SPEN: variants seen among roughly 807,000 people sequenced by gnomAD.
The protein encoded by SPEN is spen family transcriptional repressor, also known as msx2-interacting protein.
SPEN carries 18 observed loss-of-function variants against 269.9 expected under a neutral mutation model. That is an observed-to-expected ratio of 0.07 (90% CI 0.05 to 0.10). SPEN has a LOEUF of 0.10. Among genes scored for constraint, SPEN ranks in the 10% least tolerant of loss-of-function variants. The pLI, the probability that SPEN is intolerant of heterozygous loss-of-function variation, is 1.00. For synonymous variants in SPEN, 1,726 were observed against 1,765.7 expected (o/e 0.98, Z 0.56); for missense variants, 3,822 against 4,631.2 (o/e 0.83, Z 5.07).
chr1:15,860,774 TG>T (rs1175846830), intron 1 of SPEN, among the ~76,000 whole-genome samples: 1 of 151,768 alleles, frequency 6.6e-6, no homozygotes, highest in Non-Finnish European at 1.5e-5. Flanking sequence ...GCTAATTTTT[TG>T]TATTTTAGTA....
At chr1:15,923,815 G>T (rs947291442) in intron 10 of SPEN, among the ~76,000 whole-genome samples, 1 of 151,856 alleles carries the variant, frequency 6.6e-6, no homozygotes, top group Non-Finnish European at 1.5e-5. Context: ...GACTACAGGC[G>T]CATGCCACCA....
chr1:15,888,161 T>G (rs2070754203), intron 3 of SPEN, among the ~76,000 whole-genome samples: 1 of 151,408 alleles, frequency 6.6e-6, no homozygotes, highest in Non-Finnish European at 1.5e-5. Flanking sequence ...CAGGCTGGAG[T>G]GCAGTGGTGC....
Position 15,934,751 on chromosome 1 carries a change from C to A in SPEN, c.8511C>A (p.Ile2837=). 6.2e-7 allele frequency: 1 copy of A among 1,614,114 alleles called. No homozygotes were observed. Among genetic ancestry groups the A allele is most frequent in the Non-Finnish European group, 8.5e-7 (1 of 1,180,014 alleles). The change falls in exon 11 of 15, where the codon ATC becomes ATA. Residue 2837 remains isoleucine (I), a synonymous_variant. Coordinates refer to ENST00000375759, the MANE Select transcript of SPEN (RefSeq NM_015001.3). This position sits in a 1 kb window ranked among gnomAD's most constrained non-coding sequence, Gnocchi z 9.2. ...PQRISAKISQ[I]PPASAMDIEF... ...GGATCAGCGCCAAGATCAGCCAGAT[C>A]CCCCCGGCCAGTGCAATGGACATTG...
At chr1:15,889,142 TTTTC>T (rs1217061987) in intron 3 of SPEN, among the ~76,000 whole-genome samples, 6 of 149,756 alleles carry the variant, frequency 4.0e-5, no homozygotes, top group Non-Finnish European at 8.8e-5. Flanking sequence ...AACATTAGCA[TTTTC>T]TTTCTTTCTT....
intron 5 of SPEN, among the ~76,000 whole-genome samples, chr1:15,912,551 T>C (rs569239711): frequency 2.0e-5 from 3 of 152,310 alleles, no homozygotes; most frequent in Admixed American, 1.3e-4. Flanking sequence ...TGCACAAATA[T>C]GTTATTTGTA....
intron 1 of SPEN, among the ~76,000 whole-genome samples, chr1:15,850,696 TA>T (rs1284410040): frequency 6.6e-6 from 1 of 152,208 alleles, no homozygotes; most frequent in Non-Finnish European, 1.5e-5. Context: ...ATATATTTTG[TA>T]AAATGTGTGA....
At chr1:15,864,167 CTTTTT>C in intron 1 of SPEN, among the ~76,000 whole-genome samples, 1 of 148,718 alleles carries the variant, frequency 6.7e-6, no homozygotes, top group Admixed American at 6.7e-5. Context: ...ATAGTGGTTG[CTTTTT>C]TTTTTTTTTT....
At chr1:15,883,510 CT>C (rs2070707234) in intron 3 of SPEN, among the ~76,000 whole-genome samples, 1 of 151,770 alleles carries the variant, frequency 6.6e-6, no homozygotes, top group South Asian at 2.1e-4. Flanking sequence ...CAACCTCCAC[CT>C]CCCGGGTGGA....
intron 3 of SPEN, among the ~76,000 whole-genome samples, chr1:15,877,299 C>T (rs1315621476): frequency 2.6e-5 from 4 of 152,148 alleles, no homozygotes; most frequent in African/African-American, 9.7e-5. Flanking sequence ...AAGACAGTCT[C>T]ACTGTGTCAC....
At chr1:15,884,568 T>C (rs2070718891) in intron 3 of SPEN, among the ~76,000 whole-genome samples, 1 of 152,120 alleles carries the variant, frequency 6.6e-6, no homozygotes, top group Admixed American at 6.6e-5. Flanking sequence ...GGTATGTGCA[T>C]TCAGGTGTCA....
In SPEN at chr1:15,935,733, C is replaced by G. The variant is rs573441378; in HGVS notation, c.9493C>G (p.Pro3165Ala). 6.2e-7 allele frequency: 1 copy of G among 1,613,254 alleles called. No individual in the cohort carries two copies. The highest frequency in any genetic ancestry group is 2.2e-5 in the East Asian group (1 of 44,850). Residue 3165 changes from proline to alanine, a missense_variant, in exon 11 of 15, where the codon CCT becomes GCT. Coordinates refer to ENST00000375759, the MANE Select transcript of SPEN (RefSeq NM_015001.3). This position sits in a 1 kb window ranked among gnomAD's most constrained non-coding sequence, Gnocchi z 7.7. ...PPEEEVHYHL[P>A]VARATAPVQS... ...CGAGGAGGAAGTGCATTATCACCTTCCTGTCGCTCGAGCCACAGCCCCTGT... is the reference window on the plus strand; with the variant it reads ...CGAGGAGGAAGTGCATTATCACCTTGCTGTCGCTCGAGCCACAGCCCCTGT...
intron 3 of SPEN, among the ~76,000 whole-genome samples, chr1:15,883,569 C>T (rs926710549): frequency 6.6e-6 from 1 of 151,836 alleles, no homozygotes; most frequent in South Asian, 2.1e-4. Context: ...TATAGGCATG[C>T]GCCACCACAT....
intron 1 of SPEN, among the ~76,000 whole-genome samples, chr1:15,865,724 C>A (rs991932909): frequency 1.1e-4 from 16 of 152,074 alleles, no homozygotes; most frequent in African/African-American, 3.9e-4. Context: ...CCGCACCCAG[C>A]CACATTTGCC....
At chr1:15,902,354 C>T (rs1489840603) in intron 3 of SPEN, among the ~76,000 whole-genome samples, 2 of 152,172 alleles carry the variant, frequency 1.3e-5, no homozygotes, top group African/African-American at 2.4e-5. Context: ...CACACAGATA[C>T]ACAGTTGAAA....
At position 15,928,831 on chromosome 1, in the gene SPEN, A is replaced by C; in HGVS notation, c.2591A>C (p.Lys864Thr). Residue 864 changes from lysine (K) to threonine (T), a missense_variant, in exon 11 of 15, where the codon AAA (lysine) becomes ACA (threonine). Around this residue, in one of 16 missense-constraint regions of SPEN, gnomAD observed 572 missense variants for 582.6 expected, o/e 0.98. Coordinates refer to ENST00000375759, the MANE Select transcript of SPEN (RefSeq NM_015001.3). The surrounding 1 kb of genome is among the most constrained non-coding windows in gnomAD (Gnocchi z 5.7). ...AAACTGAGCAGAGAGAAAGCTGACAAAGAGGGAATAGCGAAAAACCGCCTG... is the reference window on the plus strand; with the variant it reads ...AAACTGAGCAGAGAGAAAGCTGACACAGAGGGAATAGCGAAAAACCGCCTG... ...CNKLSREKAD[K>T]EGIAKNRLEL... 1.9e-6 allele frequency: 3 copies of C among 1,614,104 alleles called. No homozygotes were observed. The highest frequency in any genetic ancestry group is 2.5e-6 in the Non-Finnish European group (3 of 1,179,974).
At chr1:15,881,224 C>T (rs2070684373) in intron 3 of SPEN, among the ~76,000 whole-genome samples, 1 of 152,188 alleles carries the variant, frequency 6.6e-6, no homozygotes. Flanking sequence ...CCCTCCTCTG[C>T]CTCCCAAGTG....
At chr1:15,915,688 C>T (rs532589897) in intron 5 of SPEN, among the ~76,000 whole-genome samples, 11 of 152,178 alleles carry the variant, frequency 7.2e-5, no homozygotes, top group African/African-American at 2.6e-4. Context: ...GCGTGCGCCA[C>T]CATACTTGGC....
At chr1:15,918,558 T>A (rs1360647527) in intron 6 of SPEN, among the ~76,000 whole-genome samples, 1 of 152,238 alleles carries the variant, frequency 6.6e-6, no homozygotes, top group Non-Finnish European at 1.5e-5. Context: ...TAATAACGAT[T>A]TTAGATATTG....
rs1400600286 is a variant in SPEN, at chr1:15,931,658, G to C, written c.5418G>C (p.Glu1806Asp). Reference sequence around the variant, plus strand: ...AGCCCCCAGCTTCTGAAGATTTAGAGGTTGATCCTCCAGTTGCTGCAAAGG... The same window carrying C: ...AGCCCCCAGCTTCTGAAGATTTAGACGTTGATCCTCCAGTTGCTGCAAAGG... The part of the protein sequence containing the change: ...ESQPPASEDL[E>D]VDPPVAAKDK... Residue 1806 changes from glutamate to aspartate, a missense_variant, in exon 11 of 15, where the codon GAG (glutamate) becomes GAC (aspartate). Transcript: ENST00000375759. This position sits in a 1 kb window ranked among gnomAD's most constrained non-coding sequence, Gnocchi z 4.8. 4 of 1,614,092 alleles carry C rather than the reference G, an allele frequency of 2.5e-6. No homozygotes were observed. Among genetic ancestry groups the C allele is most frequent in the Non-Finnish European group, 3.4e-6 (4 of 1,180,054 alleles).
Sources: allele counts gnomAD v4.1 joint callset (sites outside exome capture counted in the v4.1 genomes callset), GRCh38; gene constraint gnomAD v4.1.1; regional missense constraint gnomAD v4.1.1; non-coding constraint Gnocchi (gnomAD v3.1); transcripts MANE v1.5; gene names NCBI Gene and HGNC (gene_info 2026-07-23, HGNC 2026-07-21).